PLD5: variants seen among roughly 807,000 people sequenced by gnomAD.
PLD5 encodes phospholipase D family member 5.
In PLD5, 36 loss-of-function variants were observed where a neutral mutation model predicts 61.1. That is an observed-to-expected ratio of 0.59 (90% confidence interval 0.45 to 0.78). The LOEUF is 0.78. PLD5 is among the 30% of genes least tolerant of loss of function. The probability of loss-of-function intolerance (pLI) is 0.00; values close to 1 mark genes in which losing one functional copy is unlikely to be tolerated. For synonymous variants in PLD5, 243 were observed against 242.8 expected, an observed-to-expected ratio of 1.00 and a Z score of -0.01; for missense variants, 515 against 644.4, an observed-to-expected ratio of 0.80 and a Z score of 2.17.
intron 3 of PLD5, among the ~76,000 whole-genome samples, chr1:242,274,500 A>G (rs1674297997): frequency 6.6e-6 from 1 of 152,184 alleles, no homozygotes; most frequent in South Asian, 2.1e-4. Flanking sequence ...CACGCCTGTA[A>G]TCCCAGCATT....
At chr1:242,176,290 C>T (rs1363138766) in intron 5 of PLD5, among the ~76,000 whole-genome samples, 2 of 152,160 alleles carry the variant, frequency 1.3e-5, no homozygotes, top group African/African-American at 2.4e-5. Flanking sequence ...CACACATCTA[C>T]AACCACCTGA....
chr1:242,315,154 G>A lies in PLD5; in HGVS notation c.327-26624C>T, dbSNP rs533645466. On this transcript the variant is annotated intron_variant, in intron 2 of 9. Transcript: ENST00000536534. ...CTCTGTCAGATGTTTAGCCTCTGCA[G>A]TGGGGAATTTATGCTGTCATGGCTT... Among the ~76,000 whole-genome samples the A allele has an allele frequency of 2.6e-5, 4 of 152,314 alleles. No homozygotes were observed. The East Asian group carries it at 7.7e-4, about 29-fold the overall frequency.
rs1659498424 is a variant in PLD5, at chr1:242,086,799, G to A, written c.*3055C>T. 1 of 152,200 alleles carries A rather than the reference G, an allele frequency of 6.6e-6. No individual in the cohort carries two copies. The highest frequency in any genetic ancestry group is 1.5e-5 in the Non-Finnish European group (1 of 68,044). 9.4% of individuals were successfully genotyped at this position (152,200 alleles called of 1,614,324 possible). ...TAGTGTTAGTGGTACTGAAATCCAA[G>A]ATATAGTCTCTAATTGTGTTTGTTT... On this transcript the variant is annotated 3_prime_UTR_variant, in exon 10 of 10. Coordinates refer to ENST00000536534, the MANE Select transcript of PLD5 (RefSeq NM_001372062.1).
At chr1:242,194,357 G>A (rs1370059521) in intron 5 of PLD5, among the ~76,000 whole-genome samples, 1 of 152,154 alleles carries the variant, frequency 6.6e-6, no homozygotes, top group Non-Finnish European at 1.5e-5. Flanking sequence ...GGAAAACAGT[G>A]TGGAGATTCC....
At chr1:242,417,211 A>AT (rs1194935679) in intron 1 of PLD5, among the ~76,000 whole-genome samples, 2 of 152,162 alleles carry the variant, frequency 1.3e-5, no homozygotes, top group African/African-American at 4.8e-5. Flanking sequence ...AGAACAAGCT[A>AT]TAAAGAGGTA....
intron 5 of PLD5, among the ~76,000 whole-genome samples, chr1:242,177,011 G>A (rs186530642): frequency 3.9e-5 from 6 of 152,296 alleles, no homozygotes; most frequent in African/African-American, 9.6e-5. Flanking sequence ...GTGGAAGACA[G>A]TGTGGCAATT....
chr1:242,285,050 T>C (rs1379176279), intron 3 of PLD5, among the ~76,000 whole-genome samples: 1 of 152,210 alleles, frequency 6.6e-6, no homozygotes, highest in Non-Finnish European at 1.5e-5. Flanking sequence ...CAGAAGACAT[T>C]ATTCTAAACT....
intron 1 of PLD5, among the ~76,000 whole-genome samples, chr1:242,505,733 C>T (rs12091787): frequency 0.017 from 2,585 of 152,228 alleles, 82 homozygotes; most frequent in African/African-American, 0.056. Flanking sequence ...TCAAGTTGCC[C>T]GAGGAGCTCA....
intron 4 of PLD5, among the ~76,000 whole-genome samples, chr1:242,259,159 C>G (rs1673245580): frequency 6.6e-6 from 1 of 152,108 alleles, no homozygotes; most frequent in African/African-American, 2.4e-5. Context: ...TAAAAATGGA[C>G]TTGGTCAGGC....
At chr1:242,338,402 T>C (rs911684142) in intron 2 of PLD5, among the ~76,000 whole-genome samples, 1 of 151,980 alleles carries the variant, frequency 6.6e-6, no homozygotes, top group South Asian at 2.1e-4. Flanking sequence ...ATACTTTCTG[T>C]TTTCAACACT....
At chr1:242,434,282 G>T (rs980425071) in intron 1 of PLD5, among the ~76,000 whole-genome samples, 11 of 152,234 alleles carry the variant, frequency 7.2e-5, no homozygotes, top group African/African-American at 2.7e-4. Flanking sequence ...TGGACTGCAT[G>T]TCAGGAGTGG....
intron 1 of PLD5, among the ~76,000 whole-genome samples, chr1:242,512,732 A>G (rs1355425827): frequency 1.3e-5 from 2 of 152,248 alleles, no homozygotes; most frequent in African/African-American, 4.8e-5. Flanking sequence ...GAGAAAATCA[A>G]TGAAATCTCA....
intron 1 of PLD5, among the ~76,000 whole-genome samples, chr1:242,437,837 GAAGTT>G (rs1467201756): frequency 2.6e-5 from 4 of 152,314 alleles, no homozygotes; most frequent in African/African-American, 9.6e-5. Context: ...GAGGCACACA[GAAGTT>G]AAGAAACGGG....
intron 5 of PLD5, among the ~76,000 whole-genome samples, chr1:242,163,799 TCAAAGAGCA>T (rs970721740): frequency 4.4e-4 from 66 of 151,228 alleles, no homozygotes; most frequent in South Asian, 1.0e-3. Context: ...GAGAAGATGA[TCAAAGAGCA>T]GGATGAGCAG....
chr1:242,194,606 GTATCTATCTATGTATCTATCTATC>G (rs1341927235), intron 5 of PLD5, among the ~76,000 whole-genome samples: 3 of 123,574 alleles, frequency 2.4e-5, no homozygotes, highest in East Asian at 6.1e-4. Flanking sequence ...ATCTATCTAT[GTATCTATCTATGTATCTATCTATC>G]TATCTATCTA....
chr1:242,342,977 A>G (rs564606525), intron 2 of PLD5, among the ~76,000 whole-genome samples: 16 of 152,342 alleles, frequency 1.1e-4, no homozygotes. Flanking sequence ...ATTTTTTTAT[A>G]GGAGACATAC....
chr1:242,247,171 A>C (rs1193606571), intron 4 of PLD5, among the ~76,000 whole-genome samples: 1 of 151,814 alleles, frequency 6.6e-6, no homozygotes, highest in East Asian at 1.9e-4. Context: ...TTTAGTAGAG[A>C]CGGGGTTTCA....
chr1:242,208,284 C>T (rs1369622755), intron 5 of PLD5, among the ~76,000 whole-genome samples: 1 of 152,106 alleles, frequency 6.6e-6, no homozygotes, highest in Non-Finnish European at 1.5e-5. Flanking sequence ...CATCTTCTCT[C>T]TGTGACCCTC....
intron 4 of PLD5, among the ~76,000 whole-genome samples, chr1:242,260,346 C>CA (rs58683643): frequency 0.31 from 37,194 of 119,846 alleles, 5,267 homozygotes; most frequent in Non-Finnish European, 0.38. Context: ...GACTCCGTCT[C>CA]AAAAAAAAAA....
Sources: allele counts gnomAD v4.1 joint callset (sites outside exome capture counted in the v4.1 genomes callset), GRCh38; gene constraint gnomAD v4.1.1; transcripts MANE v1.5; gene names NCBI Gene and HGNC (gene_info 2026-07-23, HGNC 2026-07-21).